MCCC1: variants seen among roughly 807,000 people sequenced by gnomAD.
MCCC1 encodes methylcrotonyl-CoA carboxylase subunit 1.
A neutral mutation model predicts 83.8 loss-of-function variants in MCCC1; 64 were observed. That is an observed-to-expected ratio of 0.76 (90% CI 0.62 to 0.94). MCCC1 has a LOEUF of 0.94. Among genes scored for constraint, MCCC1 ranks in the 40% least tolerant of loss-of-function variants. The probability of loss-of-function intolerance (pLI) is 0.00; values close to 1 mark genes in which losing one functional copy is unlikely to be tolerated. For missense variants in MCCC1, 807 were observed against 904.7 expected (o/e 0.89, Z 1.39); for synonymous variants, 322 against 315.4 (o/e 1.02, Z -0.22).
intron 17 of MCCC1, among the ~76,000 whole-genome samples, chr3:183,018,582 T>C (rs1187731034): frequency 1.3e-5 from 2 of 152,256 alleles, no homozygotes; most frequent in Non-Finnish European, 2.9e-5. Flanking sequence ...TAGCACTGCT[T>C]AGTCCCCTGT....
rs370400546 is a variant in MCCC1 at position 183,065,599 on chromosome 3, T to C, written c.761+5400A>G. Among the ~76,000 whole-genome samples, 31 of 151,058 alleles carry C rather than the reference T, an allele frequency of 2.1e-4. No homozygotes were observed. In the South Asian group the frequency reaches 2.1e-3, roughly 10 times the overall value. On this transcript the variant is annotated intron_variant, in intron 7 of 18. Transcript: ENST00000265594. ...TTGTTTTGTTTTTGAAATGCGTTTT[T>C]GGTAAAAGATTATAAGAAGGCACAG...
rs773887269 is a variant in MCCC1 at position 183,094,571 on chromosome 3, T to A, written c.124A>T (p.Thr42Ser). ...AGTCTGTCAGTACCTGTGGCTGTTG[T>A]GTACTTCATGGTTCTTTGCCTCCAC... ...WVWRQRTMKYTTATGRNITKV... is the reference protein window; with the variant it reads ...WVWRQRTMKYSTATGRNITKV... The change falls in exon 2 of 19, where the codon ACA becomes TCA. Residue 42 changes from threonine (T) to serine (S), a missense_variant. Thr to Ser is a moderately conservative substitution (Grantham distance 58, BLOSUM62 1). Coordinates refer to ENST00000265594, the MANE Select transcript of MCCC1 (RefSeq NM_020166.5). 1 of 1,614,170 alleles carries A rather than the reference T, an allele frequency of 6.2e-7. No individual in the cohort carries two copies. Among genetic ancestry groups the A allele is most frequent in the South Asian group, 1.1e-5 (1 of 91,086 alleles).
At chr3:183,087,640 G>A (rs1217508217) in intron 3 of MCCC1, among the ~76,000 whole-genome samples, 2 of 152,012 alleles carry the variant, frequency 1.3e-5, no homozygotes, top group Non-Finnish European at 2.9e-5. Flanking sequence ...AGGCCAAGGC[G>A]GGCGGATCAT....
intron 1 of MCCC1, chr3:183,115,430 C>G (rs1386813660): frequency 6.6e-6 from 1 of 152,232 alleles, no homozygotes; most frequent in Non-Finnish European, 1.5e-5. Context: ...CCTTTTGGCT[C>G]TATTGACCAA....
upstream of MCCC1, among the ~76,000 whole-genome samples, chr3:183,103,804 C>T (rs1719360214): frequency 6.6e-6 from 1 of 152,192 alleles, no homozygotes; most frequent in African/African-American, 2.4e-5. Flanking sequence ...GGGGGCGGCG[C>T]TCATCGGGAA....
intron 15 of MCCC1, among the ~76,000 whole-genome samples, chr3:183,025,299 T>C (rs1463378403): frequency 6.6e-6 from 1 of 152,272 alleles, no homozygotes; most frequent in Non-Finnish European, 1.5e-5. Context: ...CTACATTATG[T>C]GTATTTCACC....
chr3:183,102,485 TAAAA>T (rs1308354843), upstream of MCCC1, among the ~76,000 whole-genome samples: 4 of 152,106 alleles, frequency 2.6e-5, no homozygotes, highest in Non-Finnish European at 5.9e-5. Context: ...AATCAATTAA[TAAAA>T]TGAATATTAA....
chr3:183,019,309 G>C (rs534499385), intron 17 of MCCC1, among the ~76,000 whole-genome samples: 1 of 152,272 alleles, frequency 6.6e-6, no homozygotes, highest in East Asian at 1.9e-4. Context: ...GGGTCTAAAT[G>C]TCTATATCCC....
At chr3:183,090,733 G>C (rs1718260167) in intron 3 of MCCC1, among the ~76,000 whole-genome samples, 1 of 152,090 alleles carries the variant, frequency 6.6e-6, no homozygotes, top group South Asian at 2.1e-4. Flanking sequence ...GGGATTACAG[G>C]CATGTGACAC....
chr3:183,062,490 G>A (rs545023046), intron 7 of MCCC1, among the ~76,000 whole-genome samples: 1 of 151,918 alleles, frequency 6.6e-6, no homozygotes, highest in African/African-American at 2.4e-5. Context: ...AAGTAGCTGC[G>A]ACTACAGGCA....
At chr3:183,114,497 A>C (rs957262845) in intron 1 of MCCC1, among the ~76,000 whole-genome samples, 1 of 152,174 alleles carries the variant, frequency 6.6e-6, no homozygotes, top group South Asian at 2.1e-4. Flanking sequence ...GAATTGAAGG[A>C]AGCCATCTGG....
intron 8 of MCCC1, among the ~76,000 whole-genome samples, chr3:183,055,585 C>T (rs1045318070): frequency 8.5e-5 from 13 of 152,048 alleles, no homozygotes; most frequent in Non-Finnish European, 1.8e-4. Flanking sequence ...GCTTTCATAA[C>T]TATATGTCCA....
chr3:183,044,165 A>C (rs756957815), intron 10 of MCCC1, among the ~76,000 whole-genome samples: 2 of 152,232 alleles, frequency 1.3e-5, no homozygotes, highest in Non-Finnish European at 2.9e-5. Flanking sequence ...AGGAAAAAAC[A>C]ATTTAGATGC....
chr3:183,039,396 A>G (rs1444101442), intron 11 of MCCC1, among the ~76,000 whole-genome samples: 5 of 152,106 alleles, frequency 3.3e-5, no homozygotes, highest in African/African-American at 9.7e-5. Context: ...TCCCTGTCCT[A>G]TCTTCTTCTG....
chr3:183,058,476 G>C (rs1346614882), intron 7 of MCCC1, among the ~76,000 whole-genome samples: 2 of 151,916 alleles, frequency 1.3e-5, no homozygotes, highest in Non-Finnish European at 2.9e-5. Context: ...TTATAAATTA[G>C]CCAGGCATGG....
intron 11 of MCCC1, 82 bp from the exon 12 acceptor site, chr3:183,039,217 C>T (rs1321361997): frequency 2.0e-5 from 26 of 1,269,010 alleles, no homozygotes; most frequent in East Asian, 1.4e-4. Flanking sequence ...TTGTTATGTA[C>T]ATTTCACGCT....
chr3:183,085,351 T>C (rs1717815422), intron 4 of MCCC1, among the ~76,000 whole-genome samples: 3 of 152,046 alleles, frequency 2.0e-5, no homozygotes, highest in Admixed American at 2.0e-4. Flanking sequence ...CAGAATGAAA[T>C]ACAAACTCCT....
intron 16 of MCCC1, among the ~76,000 whole-genome samples, chr3:183,022,194 G>A (rs1239928135): frequency 2.0e-5 from 3 of 152,248 alleles, no homozygotes; most frequent in African/African-American, 7.2e-5. Context: ...AAATGGGTAT[G>A]TGTCTATCAA....
At chr3:183,037,638 G>A (rs1248063873) in intron 12 of MCCC1, among the ~76,000 whole-genome samples, 1 of 152,104 alleles carries the variant, frequency 6.6e-6, no homozygotes, top group Non-Finnish European at 1.5e-5. Flanking sequence ...ATGTCCATCC[G>A]CTATTACTAT....
Sources: allele counts gnomAD v4.1 joint callset (sites outside exome capture counted in the v4.1 genomes callset), GRCh38; gene constraint gnomAD v4.1.1; transcripts MANE v1.5; gene names NCBI Gene and HGNC (gene_info 2026-07-23, HGNC 2026-07-21).